The following TTC39C variants were observed in gnomAD, a reference collection of about 807,000 sequenced individuals.
TTC39C encodes the protein tetratricopeptide repeat protein 39C.
Under a neutral mutation model 76.3 loss-of-function variants are expected in TTC39C, and 33 were observed. That is an observed-to-expected ratio of 0.43 (90% confidence interval 0.33 to 0.58). The LOEUF is 0.58. TTC39C is among the 20% of genes least tolerant of loss of function. The pLI, the probability that TTC39C is intolerant of heterozygous loss-of-function variation, is 0.04. For missense variants in TTC39C, 595 were observed against 701.4 expected, an observed-to-expected ratio of 0.85 and a Z score of 1.71; for synonymous variants, 254 against 260.6, an observed-to-expected ratio of 0.97 and a Z score of 0.24.
intron 10 of TTC39C, among the ~76,000 whole-genome samples, chr18:24,126,212 G>A (rs1355676489): frequency 1.3e-5 from 2 of 151,986 alleles, no homozygotes; most frequent in Non-Finnish European, 2.9e-5. Context: ...GAAAAAAAAA[G>A]AAATATGTTC....
intron 4 of TTC39C, among the ~76,000 whole-genome samples, chr18:24,072,641 CTTCCTTATAA>C (rs1476656523): frequency 6.6e-6 from 1 of 152,248 alleles, no homozygotes; most frequent in African/African-American, 2.4e-5. Flanking sequence ...CTCATTTAAA[CTTCCTTATAA>C]TGAATTACTC....
chr18:23,997,722 G>GAAAGAAAGAAAGAAAGAAAGAAAC (rs1305883486), intron 1 of TTC39C, among the ~76,000 whole-genome samples: 1 of 150,248 alleles, frequency 6.7e-6, no homozygotes, highest in Admixed American at 6.6e-5. Flanking sequence ...AAGAAAGAAA[G>GAAAGAAAGAAAGAAAGAAAGAAAC]AAACCAAAAC....
rs529388293 is a variant in TTC39C at position 24,031,955 on chromosome 18, TATAAG to T, written c.167+16919_167+16923del. 4.6e-5 allele frequency among the ~76,000 whole-genome samples: 7 copies of T among 152,270 alleles called. No individual in the cohort carries two copies. The East Asian group carries it at 7.7e-4, about 17-fold the overall frequency. ...CCCTAAATGCAATCACATGTATCCTTATAAGAGGAAGGCAGAAAGAGATTTTACAC... is the reference window on the plus strand; with the variant it reads ...CCCTAAATGCAATCACATGTATCCTTAGGAAGGCAGAAAGAGATTTTACAC... On this transcript the variant is annotated intron_variant, in intron 1 of 13. Transcript: ENST00000317571.
chr18:24,011,730 CTGGCAACACCCA>C, upstream of TTC39C, among the ~76,000 whole-genome samples: 1 of 152,204 alleles, frequency 6.6e-6, no homozygotes, highest in African/African-American at 2.4e-5. Flanking sequence ...CCACAAAATA[CTGGCAACACCCA>C]CTGCAGAAAG....
At chr18:24,108,389 C>G (rs1055618136) in intron 6 of TTC39C, among the ~76,000 whole-genome samples, 2 of 152,184 alleles carry the variant, frequency 1.3e-5, no homozygotes, top group Non-Finnish European at 2.9e-5. Flanking sequence ...TAGTCTGGGC[C>G]AAATCCCCAA....
chr18:23,997,661 A>AGAAAGAAAGAAGGAAAGAAC (rs780900575), intron 1 of TTC39C, among the ~76,000 whole-genome samples: 1 of 92,248 alleles, frequency 1.1e-5, no homozygotes, highest in Admixed American at 1.1e-4. Flanking sequence ...GGAGAAAGAA[A>AGAAAGAAAGAAGGAAAGAAC]GAAAGAAAGA....
intron 1 of TTC39C, among the ~76,000 whole-genome samples, chr18:24,049,752 C>T (rs375086340): frequency 1.3e-3 from 201 of 152,188 alleles, no homozygotes; most frequent in African/African-American, 3.9e-3. Flanking sequence ...CAAGCCCCAA[C>T]ATTTTTATTT....
intron 1 of TTC39C, among the ~76,000 whole-genome samples, chr18:24,023,966 A>C (rs55952117): frequency 0.051 from 570 of 11,074 alleles, 27 homozygotes; most frequent in Non-Finnish European, 0.15. Context: ...ATATATATAT[A>C]TATATATATA....
chr18:24,124,694 G>T (rs1599350071), intron 9 of TTC39C, among the ~76,000 whole-genome samples: 1 of 152,164 alleles, frequency 6.6e-6, no homozygotes. Flanking sequence ...TGATTATAAT[G>T]TACAGCAGAG....
At chr18:24,078,597 A>G (rs904736671) in intron 4 of TTC39C, among the ~76,000 whole-genome samples, 7 of 152,234 alleles carry the variant, frequency 4.6e-5, no homozygotes, top group African/African-American at 1.7e-4. Flanking sequence ...CAAGCTTCCA[A>G]GGCTTTGCTC....
At chr18:24,094,479 A>C (rs1350800797) in intron 6 of TTC39C, among the ~76,000 whole-genome samples, 1 of 152,214 alleles carries the variant, frequency 6.6e-6, no homozygotes, top group African/African-American at 2.4e-5. Context: ...CTTTGCTCAG[A>C]TCCATCAGAG....
intron 6 of TTC39C, among the ~76,000 whole-genome samples, chr18:24,098,668 T>A (rs1335578360): frequency 6.6e-6 from 1 of 151,174 alleles, no homozygotes; most frequent in African/African-American, 2.4e-5. Context: ...AGTCTCGCTC[T>A]ATCACCCAGG....
intron 6 of TTC39C, among the ~76,000 whole-genome samples, chr18:24,087,241 T>C (rs1423809198): frequency 1.3e-5 from 2 of 152,242 alleles, no homozygotes; most frequent in Non-Finnish European, 2.9e-5. Context: ...AATTAATGAG[T>C]ATTTTTCTTG....
chr18:24,101,625 G>T (rs564926882), intron 6 of TTC39C, among the ~76,000 whole-genome samples: 1 of 151,948 alleles, frequency 6.6e-6, no homozygotes, highest in Non-Finnish European at 1.5e-5. Context: ...TGTCATTCAG[G>T]TCTAGCAAAC....
chr18:24,003,304 CT>C (rs2083327943), intron 1 of TTC39C, among the ~76,000 whole-genome samples: 1 of 152,236 alleles, frequency 6.6e-6, no homozygotes, highest in Admixed American at 6.5e-5. Flanking sequence ...ACTAATGCCC[CT>C]ATTCTGTGCT....
chr18:24,045,902 T>A (rs558630539), intron 1 of TTC39C, among the ~76,000 whole-genome samples: 5 of 38,508 alleles, frequency 1.3e-4, no homozygotes, highest in African/African-American at 7.4e-4. Flanking sequence ...AATATATATA[T>A]ATATATATAT....
At chr18:24,076,466 C>G (rs997582247) in intron 4 of TTC39C, among the ~76,000 whole-genome samples, 1 of 151,758 alleles carries the variant, frequency 6.6e-6, no homozygotes. Context: ...TCTCATGGAG[C>G]TGCTGGAGCG....
chr18:24,116,440 G>C (rs1383513191), intron 7 of TTC39C, among the ~76,000 whole-genome samples: 1 of 152,174 alleles, frequency 6.6e-6, no homozygotes, highest in African/African-American at 2.4e-5. Flanking sequence ...CTACTCAGCA[G>C]GCTGAGGCGG....
chr18:24,021,471 A>C (rs749418733), intron 1 of TTC39C, among the ~76,000 whole-genome samples: 7 of 152,036 alleles, frequency 4.6e-5, no homozygotes, highest in Non-Finnish European at 8.8e-5. Context: ...CTGTGTAGGA[A>C]GAGAAAGTCA....
Sources: allele counts gnomAD v4.1 joint callset (sites outside exome capture counted in the v4.1 genomes callset), GRCh38; gene constraint gnomAD v4.1.1; transcripts MANE v1.5; gene names NCBI Gene and HGNC (gene_info 2026-07-23, HGNC 2026-07-21).